Variants in MYO1B observed in about 807,000 individuals in gnomAD.
MYO1B encodes myosin IB, also known as unconventional myosin-Ib.
In MYO1B, 72 loss-of-function variants were observed where a neutral mutation model predicts 159.7. The ratio of observed to expected loss-of-function variants is 0.45; its 90% CI spans 0.37 to 0.55. MYO1B has a LOEUF of 0.55. MYO1B is among the 20% of genes least tolerant of loss of function. MYO1B has a pLI of 0.00. For missense variants in MYO1B, 1,062 were observed against 1,364.8 expected, an observed-to-expected ratio of 0.78 and a Z score of 3.50; for synonymous variants, 468 against 473.8, an observed-to-expected ratio of 0.99 and a Z score of 0.16.
In MYO1B at chr2:191,326,160, C is replaced by T. The variant is rs545357699; in HGVS notation, c.252-3775C>T. 2.4e-3 allele frequency among the ~76,000 whole-genome samples: 358 copies of T among 152,272 alleles called. 1 individual carries two copies. Among genetic ancestry groups the T allele is most frequent in the Admixed American group, 3.6e-3 (55 of 15,282 alleles). ...GTAAATAACAATGCTGACACGGTCA[C>T]AAAATAATGTGAAGCATATGGGTCA... On this transcript the variant is annotated intron_variant, in intron 3 of 30. Coordinates refer to ENST00000392318, the MANE Select transcript of MYO1B (RefSeq NM_001130158.3).
At chr2:191,333,585 C>T (rs1691632090) in intron 4 of MYO1B, among the ~76,000 whole-genome samples, 1 of 152,162 alleles carries the variant, frequency 6.6e-6, no homozygotes, top group South Asian at 2.1e-4. Flanking sequence ...CACCCATTAT[C>T]TCTCATGAGG....
intron 22 of MYO1B, 65 bp downstream of exon 22, chr2:191,400,533 C>T (rs148549815): frequency 1.4e-5 from 22 of 1,554,954 alleles, no homozygotes; most frequent in East Asian, 1.1e-4. Flanking sequence ...CATGAACCCT[C>T]GGCTTCAGGG....
At chr2:191,359,151 C>T (rs182017776) in intron 7 of MYO1B, among the ~76,000 whole-genome samples, 6 of 152,230 alleles carry the variant, frequency 3.9e-5, no homozygotes, top group Admixed American at 1.3e-4. Context: ...TAAGTAAAAT[C>T]GTACTGCATG....
At chr2:191,302,373 G>A (rs7569231) in intron 3 of MYO1B, among the ~76,000 whole-genome samples, 80,520 of 151,976 alleles carry the variant, frequency 0.53, 22,076 homozygotes, top group East Asian at 0.65. Flanking sequence ...AGAGATTTTA[G>A]GTGATTTTTC....
chr2:191,310,094 A>G (rs1239954189), intron 3 of MYO1B, among the ~76,000 whole-genome samples: 3 of 152,234 alleles, frequency 2.0e-5, no homozygotes, highest in Non-Finnish European at 4.4e-5. Flanking sequence ...GGGGGTAGCT[A>G]CATAAGCTGC....
At chr2:191,364,516 G>T (rs1255652560) in intron 11 of MYO1B, among the ~76,000 whole-genome samples, 1 of 105,470 alleles carries the variant, frequency 9.5e-6, no homozygotes, top group Non-Finnish European at 1.9e-5. Flanking sequence ...TAGCAAACTA[G>T]CCCGTGGTGT....
intron 11 of MYO1B, among the ~76,000 whole-genome samples, chr2:191,366,067 A>G (rs528357538): frequency 6.6e-6 from 1 of 152,286 alleles, no homozygotes; most frequent in South Asian, 2.1e-4. Context: ...CCAGGATCAC[A>G]TTTTGAGAGC....
In MYO1B at chr2:191,329,957, T is replaced by A; in HGVS notation, c.274T>A (p.Tyr92Asn). Reference protein sequence around the residue: ...PHIFALSDEAYRSLRDQDKDQ... With the variant: ...PHIFALSDEANRSLRDQDKDQ... ...CAGCTTTGCCCTTTCGGATGAAGCATACAGATCCCTACGAGATCAAGATAA... is the reference window on the plus strand; with the variant it reads ...CAGCTTTGCCCTTTCGGATGAAGCAAACAGATCCCTACGAGATCAAGATAA... Residue 92 changes from tyrosine (Y) to asparagine (N), a missense_variant, in exon 4 of 31, where the codon TAC becomes AAC. Coordinates refer to ENST00000392318, the MANE Select transcript of MYO1B (RefSeq NM_001130158.3). 6.2e-7 allele frequency: 1 copy of A among 1,612,386 alleles called. No homozygotes were observed. Among genetic ancestry groups the A allele is most frequent in the South Asian group, 1.1e-5 (1 of 90,900 alleles).
At chr2:191,363,505 C>A (rs567863092) in intron 9 of MYO1B, among the ~76,000 whole-genome samples, 1 of 152,214 alleles carries the variant, frequency 6.6e-6, no homozygotes, top group Admixed American at 6.5e-5. Context: ...CTGCTCCCAG[C>A]CTCCTGTTTC....
chr2:191,347,358 G>A (rs1692634780), intron 6 of MYO1B, among the ~76,000 whole-genome samples: 1 of 152,176 alleles, frequency 6.6e-6, no homozygotes. Flanking sequence ...GCCTTTTCCT[G>A]TTGTGGTAAC....
chr2:191,263,105 G>A (rs1187523192), intron 1 of MYO1B: 1 of 152,408 alleles, frequency 6.6e-6, no homozygotes. Flanking sequence ...GCATGGGTCA[G>A]AGTGGGAGGT....
chr2:191,322,476 A>G (rs1393676917), intron 3 of MYO1B, among the ~76,000 whole-genome samples: 1 of 152,108 alleles, frequency 6.6e-6, no homozygotes, highest in African/African-American at 2.4e-5. Flanking sequence ...CAATAGAAGG[A>G]AAGGTGCTTA....
In MYO1B at chr2:191,346,249, C is replaced by A. The variant is rs1180551148; in HGVS notation, c.465C>A (p.Ala155=). 6 of 1,570,316 alleles carry A rather than the reference C, an allele frequency of 3.8e-6. No individual in the cohort carries two copies. The change falls in exon 6 of 31, where the codon GCC becomes GCA. Residue 155 remains alanine (A), a synonymous_variant. Coordinates refer to ENST00000392318, the MANE Select transcript of MYO1B (RefSeq NM_001130158.3). ...SNPVLEAFGN[A]KTVRNDNSSR... is the part of the protein sequence containing the mutation. ...CTTTCCTACTAGCTTTTGGAAATGC[C>A]AAAACTGTAAGGAATGACAACTCCT...
At chr2:191,393,487 A>G (rs529053037) in intron 20 of MYO1B, among the ~76,000 whole-genome samples, 20 of 152,222 alleles carry the variant, frequency 1.3e-4, no homozygotes, top group Non-Finnish European at 2.5e-4. Flanking sequence ...TCAGTGTGCC[A>G]TACCGCCTTT....
At chr2:191,284,607 C>A (rs1688254911) in intron 2 of MYO1B, among the ~76,000 whole-genome samples, 1 of 152,080 alleles carries the variant, frequency 6.6e-6, no homozygotes, top group African/African-American at 2.4e-5. Context: ...AATCCAGAAT[C>A]ACTTTTTTTT....
intron 24 of MYO1B, among the ~76,000 whole-genome samples, chr2:191,407,438 T>A (rs1260729997): frequency 6.6e-6 from 1 of 152,224 alleles, no homozygotes; most frequent in Non-Finnish European, 1.5e-5. Flanking sequence ...TATTCATTTG[T>A]TATACAAACA....
chr2:191,246,513 T>A (rs1685803157), intron 1 of MYO1B: 1 of 151,906 alleles, frequency 6.6e-6, no homozygotes, highest in Non-Finnish European at 1.5e-5. Flanking sequence ...CAATGTTAGA[T>A]TGCTCAAAGC....
chr2:191,251,032 G>T (rs1399270685), intron 1 of MYO1B, among the ~76,000 whole-genome samples: 1 of 152,186 alleles, frequency 6.6e-6, no homozygotes, highest in Non-Finnish European at 1.5e-5. Flanking sequence ...AAAGCTAGGA[G>T]AATTGGTTGA....
intron 30 of MYO1B, among the ~76,000 whole-genome samples, chr2:191,421,550 G>A (rs551102820): frequency 9.9e-5 from 15 of 151,872 alleles, no homozygotes; most frequent in Non-Finnish European, 2.2e-4. Context: ...CCGGCTCAAT[G>A]CAGCCTCCTC....
Sources: gnomAD v4.1 joint callset for allele counts (sites outside exome capture counted in the v4.1 genomes callset) on GRCh38, gnomAD v4.1.1 for gene constraint, MANE v1.5 for transcripts, NCBI Gene and HGNC (gene_info 2026-07-23, HGNC 2026-07-21) for gene names.